The following RIPOR3 variants were observed in gnomAD, a reference collection of about 807,000 sequenced individuals.
The protein encoded by RIPOR3 is RIPOR family member 3, also known as family with sequence similarity 65 member C.
In RIPOR3, 95 loss-of-function variants were observed where a neutral mutation model predicts 114.3. The observed-to-expected ratio is 0.83, with a 90% CI of 0.70 to 0.99. The LOEUF is 0.99. Among genes scored for constraint, RIPOR3 ranks in the 50% least tolerant of loss-of-function variants. The probability of loss-of-function intolerance (pLI) is 0.00; values close to 1 mark genes in which losing one functional copy is unlikely to be tolerated. For missense variants in RIPOR3, 1,252 were observed against 1,266.9 expected (o/e 0.99, Z 0.18); for synonymous variants, 575 against 543.8 (o/e 1.06, Z -0.80).
intron 1 of RIPOR3, among the ~76,000 whole-genome samples, chr20:50,657,742 CT>C (rs2085859363): frequency 7.8e-6 from 1 of 128,766 alleles, no homozygotes; most frequent in African/African-American, 3.0e-5. Context: ...GGGTAAATGT[CT>C]TTTACTTTTT....
intron 4 of RIPOR3, among the ~76,000 whole-genome samples, chr20:50,611,578 A>G (rs2083982170): frequency 6.6e-6 from 1 of 152,194 alleles, no homozygotes; most frequent in Admixed American, 6.5e-5. Flanking sequence ...AATGGGAACC[A>G]TTGAGATTGA....
chr20:50,589,197 C>G (rs2083030234), intron 20 of RIPOR3, among the ~76,000 whole-genome samples: 1 of 151,030 alleles, frequency 6.6e-6, no homozygotes, highest in Non-Finnish European at 1.5e-5. Flanking sequence ...ATTTTAAATG[C>G]TCACACACAC....
Position 50,611,227 on chromosome 20 carries a change from G to A in RIPOR3, c.349-23C>T, listed in dbSNP as rs193011724. ...AGCCTGTGAGGGAGGAAAGGAGGGC[G>A]GAAGAAGCTGTCAGAGTCCCACATG... is the stretch of plus-strand genomic sequence containing the variant. On this transcript the variant is annotated intron_variant, in intron 4 of 21. Coordinates refer to ENST00000327979, the MANE Select transcript of RIPOR3 (RefSeq NM_001290268.2). 313 of 1,614,010 alleles carry A rather than the reference G, an allele frequency of 1.9e-4. No individual in the cohort carries two copies. In the East Asian group the frequency reaches 3.2e-3, roughly 17 times the overall value.
chr20:50,601,127 G>A (rs2083478590), intron 13 of RIPOR3, among the ~76,000 whole-genome samples: 1 of 152,170 alleles, frequency 6.6e-6, no homozygotes, highest in Non-Finnish European at 1.5e-5. Flanking sequence ...CCAGGTGGGA[G>A]TTGCCATTTA....
At chr20:50,676,661 TA>T (rs1419074922) in intron 1 of RIPOR3, among the ~76,000 whole-genome samples, 1 of 149,456 alleles carries the variant, frequency 6.7e-6, no homozygotes. Flanking sequence ...CAAAACAAAA[TA>T]AAAAAACCCA....
intron 2 of RIPOR3, among the ~76,000 whole-genome samples, chr20:50,623,208 C>T (rs1434337511): frequency 4.0e-5 from 6 of 148,430 alleles, no homozygotes; most frequent in Non-Finnish European, 8.9e-5. Flanking sequence ...TGCAGTGAGC[C>T]GAGATCATGC....
At chr20:50,621,217 T>A in intron 2 of RIPOR3, 1 of 325,962 alleles carries the variant, frequency 3.1e-6, no homozygotes, top group Non-Finnish European at 5.9e-6. Context: ...TGCTCTCTGA[T>A]CACCATGCTC....
At chr20:50,669,499 A>T (rs2086384817) in intron 1 of RIPOR3, among the ~76,000 whole-genome samples, 1 of 152,164 alleles carries the variant, frequency 6.6e-6, no homozygotes, top group African/African-American at 2.4e-5. Flanking sequence ...GTACAGAAGG[A>T]ATAAAGAGGA....
In RIPOR3 at chr20:50,589,747, G is replaced by A; in HGVS notation, c.2600C>T (p.Ala867Val). The change falls in exon 20 of 22, where the codon GCC becomes GTC. Residue 867 changes from alanine (A) to valine (V), a missense_variant. Physicochemically the swap from Ala to Val is moderately conservative, Grantham distance 64 (BLOSUM62 0). Transcript: ENST00000327979. ...REKALLFYTNALAENDARLQQ... is the reference protein window; with the variant it reads ...REKALLFYTNVLAENDARLQQ... ...GAGCCTTGCGTCGTTCTCTGCCAGG[G>A]CGTTGGTGTAGAACAGCAAAGCCTG... The A allele has an allele frequency of 6.2e-7, 1 of 1,613,748 alleles. No homozygotes were observed. The highest frequency in any genetic ancestry group is 8.5e-7 in the Non-Finnish European group (1 of 1,179,810).
chr20:50,602,307 T>C lies in RIPOR3; in HGVS notation c.1424A>G (p.Asn475Ser), dbSNP rs2083528718. Residue 475 changes from asparagine (N) to serine (S), a missense_variant, in exon 13 of 22, where the codon AAC (asparagine) becomes AGC (serine). Asn to Ser is a conservative substitution (Grantham distance 46). Transcript: ENST00000327979. This position sits in a 1 kb window ranked among gnomAD's most constrained non-coding sequence, Gnocchi z 4.3. The part of the protein sequence containing the change: ...GPFAEQPGWR[N>S]LGGESPSLPQ... ...CAGGCTGGGGCTCTCCCCTCCTAAG[T>C]TCCTCCAGCCAGGCTGCTCTGCAAA... 1 of 1,613,746 alleles carries C rather than the reference T, an allele frequency of 6.2e-7. No individual in the cohort carries two copies. Among genetic ancestry groups the C allele is most frequent in the African/African-American group, 1.3e-5 (1 of 74,924 alleles).
intron 2 of RIPOR3, among the ~76,000 whole-genome samples, chr20:50,620,410 T>TGAGATCAGGGGTTC (rs1277326160): frequency 1.3e-5 from 2 of 152,144 alleles, no homozygotes; most frequent in African/African-American, 4.8e-5. Flanking sequence ...GTGGATCACC[T>TGAGATCAGGGGTTC]GAGATCAGGG....
At chr20:50,590,187 C>A (rs1203914642) in intron 19 of RIPOR3, among the ~76,000 whole-genome samples, 1 of 152,200 alleles carries the variant, frequency 6.6e-6, no homozygotes, top group Non-Finnish European at 1.5e-5. Context: ...CCTGCCTATT[C>A]CCCTCAGCCC....
chr20:50,592,345 T>G lies in RIPOR3; in HGVS notation c.2576A>C (p.Lys859Thr). The change falls in exon 19 of 22, where the codon AAG becomes ACG. Residue 859 changes from lysine (K) to threonine (T), a missense_variant and splice_region_variant. Coordinates refer to ENST00000327979, the MANE Select transcript of RIPOR3 (RefSeq NM_001290268.2). ...TGCCACCTGCCCTGGACAACGTACC[T>G]TTTCCCGGAAGCTTCTGTTCCTGAC... ...GAVRNRSFRE[K>T]ALLFYTNALA... 1 of 1,566,488 alleles carries G rather than the reference T, an allele frequency of 6.4e-7. No homozygotes were observed. The highest frequency in any genetic ancestry group is 8.7e-7 in the Non-Finnish European group (1 of 1,150,876).
At chr20:50,642,335 G>T (rs529478734) in intron 1 of RIPOR3, among the ~76,000 whole-genome samples, 473 of 132,678 alleles carry the variant, frequency 3.6e-3, no homozygotes, top group Non-Finnish European at 3.8e-3. Flanking sequence ...ATCTTAAATT[G>T]TTCTCTGTGG....
intron 1 of RIPOR3, among the ~76,000 whole-genome samples, chr20:50,650,823 G>T (rs1430069696): frequency 1.3e-5 from 2 of 152,104 alleles, no homozygotes; most frequent in Non-Finnish European, 2.9e-5. Context: ...TCTCTAACCC[G>T]TAATACTCAC....
In RIPOR3 at chr20:50,586,593, T is replaced by TTCACAGTCCACCA. The variant is rs1235884377; in HGVS notation, c.*626_*638dup. On this transcript the variant is annotated 3_prime_UTR_variant, in exon 22 of 22. Transcript: ENST00000327979. The stretch of plus-strand genomic sequence containing the variant: ...GCTGCTGAACATAGGGAAAGTGAGG[T>TTCACAGTCCACCA]TCACAGTCCACCATCCACCAGCCGC... 1 of 153,044 alleles carries TTCACAGTCCACCA rather than the reference T, an allele frequency of 6.5e-6. No homozygotes were observed. The highest frequency in any genetic ancestry group is 1.5e-5 in the Non-Finnish European group (1 of 68,696). The allele number at this position is 153,044 out of a possible 1,614,324, so 9.5% of individuals were successfully genotyped here. A position where few individuals can be genotyped will look rare whatever the true frequency, so the allele number is the denominator to read the frequency against.
chr20:50,588,097 C>G (rs1391761656), intron 20 of RIPOR3, among the ~76,000 whole-genome samples: 1 of 152,238 alleles, frequency 6.6e-6, no homozygotes, highest in Non-Finnish European at 1.5e-5. Flanking sequence ...CTCTTCAGCC[C>G]TTACACCCGC....
intron 13 of RIPOR3, among the ~76,000 whole-genome samples, chr20:50,598,750 C>T (rs888817783): frequency 1.3e-5 from 2 of 151,858 alleles, no homozygotes; most frequent in Non-Finnish European, 2.9e-5. Flanking sequence ...ACTAAAAATA[C>T]AAAAATTAGC....
At chr20:50,637,194 G>A (rs1050760392) in intron 1 of RIPOR3, among the ~76,000 whole-genome samples, 4 of 152,096 alleles carry the variant, frequency 2.6e-5, no homozygotes, top group African/African-American at 9.7e-5. Context: ...CTAAGCCCAG[G>A]ATGGTCACAC....
Sources: allele counts gnomAD v4.1 joint callset (sites outside exome capture counted in the v4.1 genomes callset), GRCh38; gene constraint gnomAD v4.1.1; non-coding constraint Gnocchi (gnomAD v3.1); transcripts MANE v1.5; gene names NCBI Gene and HGNC (gene_info 2026-07-23, HGNC 2026-07-21).